Variants in ADCY8 observed in about 807,000 individuals in gnomAD.
The protein encoded by ADCY8 is adenylate cyclase type 8.
Under a neutral mutation model 119.7 loss-of-function variants are expected in ADCY8, and 51 were observed. The ratio of observed to expected loss-of-function variants is 0.43; its 90% CI spans 0.34 to 0.54. The LOEUF is 0.54. Ranked by LOEUF, ADCY8 falls within the 20% of genes least tolerant of loss-of-function variation. ADCY8 has a pLI of 0.03. For missense variants in ADCY8, 1,383 were observed against 1,598.8 expected (o/e 0.87, Z 2.30); for synonymous variants, 665 against 651.0 (o/e 1.02, Z -0.33).
chr8:130,917,697 G>A (rs1210624410), intron 5 of ADCY8, among the ~76,000 whole-genome samples: 2 of 152,016 alleles, frequency 1.3e-5, no homozygotes, highest in Admixed American at 6.6e-5. Context: ...TCTGAATTCT[G>A]GATTTTTTAG....
chr8:130,907,078 AT>A (rs1474449673), intron 6 of ADCY8, among the ~76,000 whole-genome samples: 1 of 152,084 alleles, frequency 6.6e-6, no homozygotes, highest in African/African-American at 2.4e-5. Flanking sequence ...CACAATAAAT[AT>A]TTACTGAGTA....
chr8:131,037,444 C>A lies in ADCY8; in HGVS notation c.960+1930G>T, dbSNP rs1321827086. Among the ~76,000 whole-genome samples, 7 of 152,150 alleles carry A rather than the reference C, an allele frequency of 4.6e-5. No homozygotes were observed. In the East Asian group the frequency reaches 1.3e-3, roughly 29 times the overall value. ...ATATCTATACTTAGAACTTTGAAAA[C>A]ACTCATAATTTGCCACTTAGGATGT... On this transcript the variant is annotated intron_variant, in intron 1 of 17. Transcript: ENST00000286355.
intron 2 of ADCY8, among the ~76,000 whole-genome samples, chr8:130,960,683 A>G (rs1563746117): frequency 6.6e-6 from 1 of 152,088 alleles, no homozygotes; most frequent in Non-Finnish European, 1.5e-5. Flanking sequence ...CAGAAGATAC[A>G]GCAACAACAC....
chr8:130,790,243 C>T (rs1586414573), intron 15 of ADCY8, among the ~76,000 whole-genome samples: 1 of 152,120 alleles, frequency 6.6e-6, no homozygotes, highest in East Asian at 1.9e-4. Flanking sequence ...TAAGCCATGG[C>T]ACATTTCAAT....
At chr8:130,868,129 A>G (rs528728924) in intron 8 of ADCY8, among the ~76,000 whole-genome samples, 183 bp from the exon 9 acceptor site, 3 of 152,338 alleles carry the variant, frequency 2.0e-5, no homozygotes, top group African/African-American at 4.8e-5. Flanking sequence ...GTGAGAGCCC[A>G]GGAGTAAATA....
intron 5 of ADCY8, among the ~76,000 whole-genome samples, chr8:130,918,007 G>T (rs2130572963): frequency 6.6e-6 from 1 of 152,240 alleles, no homozygotes; most frequent in South Asian, 2.1e-4. Flanking sequence ...AACATTCTGG[G>T]TTGGGGCCAT....
intron 5 of ADCY8, among the ~76,000 whole-genome samples, chr8:130,928,461 A>T (rs1469409207): frequency 6.6e-6 from 1 of 152,128 alleles, no homozygotes; most frequent in Admixed American, 6.5e-5. Context: ...TCTCTAATTA[A>T]TTGAGAATTT....
intron 14 of ADCY8, among the ~76,000 whole-genome samples, chr8:130,812,031 T>A (rs564085658): frequency 2.6e-5 from 4 of 152,324 alleles, no homozygotes; most frequent in African/African-American, 9.6e-5. Context: ...TGCTCCATTA[T>A]CAAGAACTAT....
intron 1 of ADCY8, among the ~76,000 whole-genome samples, chr8:131,027,615 G>A (rs1170433704): frequency 2.0e-5 from 3 of 152,172 alleles, no homozygotes; most frequent in African/African-American, 2.4e-5. Context: ...GATATCAGAC[G>A]GGATGGAGTC....
chr8:130,890,809 T>C (rs1375590764), intron 7 of ADCY8, among the ~76,000 whole-genome samples: 1 of 152,140 alleles, frequency 6.6e-6, no homozygotes, highest in Non-Finnish European at 1.5e-5. Context: ...ATGAGCCAGT[T>C]GTGGAAGGAG....
chr8:130,918,991 A>G (rs187121229), intron 5 of ADCY8, among the ~76,000 whole-genome samples: 128 of 152,214 alleles, frequency 8.4e-4, no homozygotes, highest in Admixed American at 7.1e-3. Flanking sequence ...TGAACCCGGG[A>G]GGTGAAGGTT....
At chr8:131,018,444 G>A (rs965295708) in intron 1 of ADCY8, among the ~76,000 whole-genome samples, 1 of 152,098 alleles carries the variant, frequency 6.6e-6, no homozygotes, top group Admixed American at 6.5e-5. Flanking sequence ...CCTCCCCAGG[G>A]GTTCTGTTCA....
chr8:130,888,020 C>T (rs564683993), intron 7 of ADCY8, among the ~76,000 whole-genome samples: 2 of 152,096 alleles, frequency 1.3e-5, no homozygotes, highest in South Asian at 2.1e-4. Flanking sequence ...AGCACCAGTG[C>T]GAGCTAGACT....
chr8:130,847,427 T>C lies in ADCY8; in HGVS notation c.2499A>G (p.Pro833=), dbSNP rs776966258. 6.2e-7 allele frequency: 1 copy of C among 1,602,924 alleles called. No homozygotes were observed. The highest frequency in any genetic ancestry group is 8.5e-7 in the Non-Finnish European group (1 of 1,175,622). The change falls in exon 11 of 18, where the codon CCA becomes CCG. Residue 833 remains proline (P), a synonymous_variant. Coordinates refer to ENST00000286355, the MANE Select transcript of ADCY8 (RefSeq NM_001115.3). ...AGGGGAGCTCATAAATAAATACCTCTGGGTAGGAGCAGATATCTGTAAACA... is the reference window on the plus strand; with the variant it reads ...AGGGGAGCTCATAAATAAATACCTCCGGGTAGGAGCAGATATCTGTAAACA... ...SAVFTDICSY[P]EYFVFTGVLA...
chr8:130,836,289 T>C lies in ADCY8; in HGVS notation c.2663A>G (p.Asn888Ser). ...AGLFLRYDNL[N>S]HSGEDFLGTK... is the part of the protein sequence containing the mutation. ...GGTGGGCACTTACTCTCCACTGTGG[T>C]TGAGGTTGTCATAACGCAGAAAGAG... is the stretch of plus-strand genomic sequence containing the variant. Residue 888 changes from asparagine (N) to serine (S), a missense_variant, in exon 12 of 18, where the codon AAC becomes AGC. By Grantham distance (46) the Asn-to-Ser change is conservative. Transcript: ENST00000286355. 1 of 1,613,108 alleles carries C rather than the reference T, an allele frequency of 6.2e-7. No homozygotes were observed. The highest frequency in any genetic ancestry group is 1.3e-5 in the African/African-American group (1 of 74,996).
At chr8:130,860,126 T>C (rs1418421710) in intron 9 of ADCY8, among the ~76,000 whole-genome samples, 1 of 152,210 alleles carries the variant, frequency 6.6e-6, no homozygotes, top group Non-Finnish European at 1.5e-5. Flanking sequence ...TGGTAGGTCA[T>C]TGTTTTAATT....
At chr8:130,899,531 G>A (rs1009159389) in intron 7 of ADCY8, among the ~76,000 whole-genome samples, 11 of 152,156 alleles carry the variant, frequency 7.2e-5, no homozygotes, top group East Asian at 5.8e-4. Flanking sequence ...GCTGGAACCC[G>A]GGAGGCGGAG....
chr8:130,883,539 T>C (rs532298487), intron 8 of ADCY8, among the ~76,000 whole-genome samples: 1 of 152,180 alleles, frequency 6.6e-6, no homozygotes, highest in Non-Finnish European at 1.5e-5. Context: ...GTGCACAGAA[T>C]TGTGAATTCT....
At chr8:131,015,769 G>A (rs117096465) in intron 1 of ADCY8, among the ~76,000 whole-genome samples, 5,267 of 152,212 alleles carry the variant, frequency 0.035, 127 homozygotes, top group Non-Finnish European at 0.054. Flanking sequence ...GGTGTGAAAC[G>A]TGAGGCTCAG....
Sources: allele counts gnomAD v4.1 joint callset (sites outside exome capture counted in the v4.1 genomes callset), GRCh38; gene constraint gnomAD v4.1.1; transcripts MANE v1.5; gene names NCBI Gene and HGNC (gene_info 2026-07-23, HGNC 2026-07-21).